PSMD14: variants seen among roughly 807,000 people sequenced by gnomAD.
PSMD14 encodes the protein proteasome 26S subunit, non-ATPase 14.
Under a neutral mutation model 41.2 loss-of-function variants are expected in PSMD14, and 7 were observed. The observed-to-expected ratio is 0.17, with a 90% CI of 0.10 to 0.32. The LOEUF (loss-of-function observed/expected upper bound fraction) is 0.32, where lower values mean the gene tolerates loss of function less well. Ranked by LOEUF, PSMD14 falls within the 10% of genes least tolerant of loss-of-function variation. The probability of loss-of-function intolerance (pLI) is 1.00; values close to 1 mark genes in which losing one functional copy is unlikely to be tolerated. For missense variants in PSMD14, 139 were observed against 375.6 expected, an observed-to-expected ratio of 0.37 and a Z score of 5.21; for synonymous variants, 114 against 122.3, an observed-to-expected ratio of 0.93 and a Z score of 0.45.
rs1683145927 is a variant in PSMD14 at position 161,353,272 on chromosome 2, A to T, written c.49-14206A>T. On this transcript the variant is annotated intron_variant, in intron 3 of 11. Transcript: ENST00000409682. ...TGTATTTATTTTAGGCATGTCAGGG[A>T]ATTCCAAAATGATTTATATTCTTAA... is the stretch of plus-strand genomic sequence containing the variant. 3.3e-5 allele frequency among the ~76,000 whole-genome samples: 5 copies of T among 152,178 alleles called. No individual in the cohort carries two copies. In the South Asian group the frequency reaches 1.0e-3, roughly 32 times the overall value.
At chr2:161,351,024 A>G (rs1452046561) in intron 3 of PSMD14, among the ~76,000 whole-genome samples, 1 of 152,152 alleles carries the variant, frequency 6.6e-6, no homozygotes, top group Non-Finnish European at 1.5e-5. Flanking sequence ...TCTTCCCACC[A>G]CCAGAAATTC....
intron 11 of PSMD14, among the ~76,000 whole-genome samples, chr2:161,410,274 CACTT>C (rs1684005852): frequency 6.6e-6 from 1 of 151,586 alleles, no homozygotes; most frequent in South Asian, 2.1e-4. Context: ...GTAGTCTAGT[CACTT>C]AATTATTTGT....
intron 3 of PSMD14, among the ~76,000 whole-genome samples, chr2:161,333,966 G>C (rs1265148319): frequency 6.6e-6 from 1 of 152,134 alleles, no homozygotes; most frequent in East Asian, 1.9e-4. Context: ...GGGAGGTGGA[G>C]GTTGCAGTGA....
chr2:161,335,501 A>G (rs1327170361), intron 3 of PSMD14, among the ~76,000 whole-genome samples: 1 of 152,268 alleles, frequency 6.6e-6, no homozygotes. Flanking sequence ...AGTGTACACA[A>G]AACTGGATTC....
chr2:161,339,292 T>C (rs1682914845), intron 3 of PSMD14, among the ~76,000 whole-genome samples: 1 of 152,210 alleles, frequency 6.6e-6, no homozygotes, highest in South Asian at 2.1e-4. Flanking sequence ...TCCACATCCT[T>C]GCCAGTACTT....
At chr2:161,397,673 C>A (rs1196363342) in intron 10 of PSMD14, among the ~76,000 whole-genome samples, 1 of 151,944 alleles carries the variant, frequency 6.6e-6, no homozygotes, top group African/African-American at 2.4e-5. Context: ...ATAAAATTTA[C>A]CAAGTGTAGC....
chr2:161,318,744 G>A (rs1373147596), intron 2 of PSMD14, 78 bp from the exon 3 acceptor site: 3 of 1,109,124 alleles, frequency 2.7e-6, no homozygotes, highest in African/African-American at 3.1e-5. Flanking sequence ...CTGAGTGACT[G>A]AAGGTGAATT....
At chr2:161,393,541 T>A (rs1301419780) in intron 9 of PSMD14, among the ~76,000 whole-genome samples, 3 of 152,132 alleles carry the variant, frequency 2.0e-5, no homozygotes, top group Non-Finnish European at 4.4e-5. Context: ...AAGATAAAAT[T>A]TGTACCACAA....
chr2:161,347,175 T>G (rs1683056870), intron 3 of PSMD14, among the ~76,000 whole-genome samples: 1 of 152,220 alleles, frequency 6.6e-6, no homozygotes, highest in African/African-American at 2.4e-5. Context: ...ATCGTTGTTC[T>G]TTGTTGCTTG....
intron 10 of PSMD14, among the ~76,000 whole-genome samples, chr2:161,395,506 A>G (rs953858596): frequency 1.1e-4 from 16 of 152,216 alleles, no homozygotes; most frequent in African/African-American, 2.4e-4. Flanking sequence ...ACAGTTGCAC[A>G]TTTGAAATCT....
At chr2:161,395,050 A>C in intron 9 of PSMD14, 28 bp from the exon 10 acceptor site, 1 of 1,549,728 alleles carries the variant, frequency 6.5e-7, no homozygotes, top group Non-Finnish European at 8.7e-7. Flanking sequence ...AAGGCAGAAA[A>C]AGAATTACTT....
At chr2:161,339,078 G>A (rs1682910571) in intron 3 of PSMD14, among the ~76,000 whole-genome samples, 1 of 152,126 alleles carries the variant, frequency 6.6e-6, no homozygotes, top group Non-Finnish European at 1.5e-5. Context: ...GTTTTTGGCT[G>A]TTACAGATAA....
intron 7 of PSMD14, chr2:161,382,068 T>G (rs1683577072): frequency 6.6e-6 from 1 of 151,874 alleles, no homozygotes; most frequent in African/African-American, 2.4e-5. Context: ...ATCTGGAGTA[T>G]AATGTGTACA....
chr2:161,371,058 C>A lies in PSMD14; in HGVS notation c.312-114C>A, dbSNP rs546373423. On this transcript the variant is annotated intron_variant, in intron 6 of 11. Coordinates refer to ENST00000409682, the MANE Select transcript of PSMD14 (RefSeq NM_005805.6). ...GGTTTCTAATGGTGCTTTTTCACAC[C>A]TGTGTGTTTTTCATCTCTTCTTAAT... The A allele has an allele frequency of 2.5e-6, 3 of 1,187,912 alleles. No homozygotes were observed. In the African/African-American group the frequency reaches 4.6e-5, roughly 18 times the overall value. The allele number at this position is 1,187,912 out of a possible 1,614,324, so 73.6% of individuals were successfully genotyped here.
intron 3 of PSMD14, among the ~76,000 whole-genome samples, chr2:161,327,986 G>GTGTGTGTGTGTGTGTGTGTGT (rs778631832): frequency 1.3e-5 from 2 of 148,246 alleles, no homozygotes; most frequent in African/African-American, 2.5e-5. Context: ...GTGTGTGTGA[G>GTGTGTGTGTGTGTGTGTGTGT]ATGTTGGTTA....
intron 7 of PSMD14, among the ~76,000 whole-genome samples, chr2:161,374,514 T>C (rs1683479084): frequency 6.6e-6 from 1 of 152,000 alleles, no homozygotes; most frequent in Non-Finnish European, 1.5e-5. Context: ...TGAAAATCAA[T>C]GGTAATTGCA....
intron 3 of PSMD14, among the ~76,000 whole-genome samples, chr2:161,367,060 T>C (rs1280488142): frequency 6.6e-6 from 1 of 152,188 alleles, no homozygotes; most frequent in Non-Finnish European, 1.5e-5. Flanking sequence ...TCCACTGTTG[T>C]GATGAATTTG....
chr2:161,367,271 C>T (rs1267587296), intron 3 of PSMD14, among the ~76,000 whole-genome samples: 1 of 152,096 alleles, frequency 6.6e-6, no homozygotes, highest in African/African-American at 2.4e-5. Flanking sequence ...GTCCATTAGA[C>T]CCTTGGCTTA....
chr2:161,392,506 T>TG (rs1045030982), intron 9 of PSMD14, among the ~76,000 whole-genome samples: 6 of 152,160 alleles, frequency 3.9e-5, no homozygotes, highest in South Asian at 2.1e-4. Flanking sequence ...ATCTATATGC[T>TG]GGGGGGGAGG....
Sources: allele counts gnomAD v4.1 joint callset (sites outside exome capture counted in the v4.1 genomes callset), GRCh38; gene constraint gnomAD v4.1.1; transcripts MANE v1.5; gene names NCBI Gene and HGNC (gene_info 2026-07-23, HGNC 2026-07-21).